Variants in RGS7 observed in about 807,000 individuals in gnomAD.
The protein encoded by RGS7 is regulator of G-protein signaling 7.
A neutral mutation model predicts 81.1 loss-of-function variants in RGS7; 27 were observed. The ratio of observed to expected loss-of-function variants is 0.33; its 90% CI spans 0.25 to 0.46. RGS7 has a LOEUF of 0.46. RGS7 is among the 20% of genes least tolerant of loss of function. The pLI is 1.00. For missense variants in RGS7, 396 were observed against 607.4 expected (o/e 0.65, Z 3.66); for synonymous variants, 208 against 207.7 (o/e 1.00, Z -0.01).
At chr1:240,900,027 C>T (rs1669722505) in intron 6 of RGS7, among the ~76,000 whole-genome samples, 2 of 151,840 alleles carry the variant, frequency 1.3e-5, no homozygotes, top group Admixed American at 6.5e-5. Flanking sequence ...CGCTCCATTT[C>T]ATTCATTTGA....
chr1:241,160,007 T>G (rs1484814576), intron 2 of RGS7, among the ~76,000 whole-genome samples: 2 of 150,322 alleles, frequency 1.3e-5, no homozygotes, highest in Admixed American at 6.7e-5. Context: ...TACCTTTTAT[T>G]ACCTGTCAGA....
intron 4 of RGS7, among the ~76,000 whole-genome samples, chr1:240,939,578 G>C (rs889670430): frequency 6.6e-6 from 1 of 152,144 alleles, no homozygotes; most frequent in Non-Finnish European, 1.5e-5. Context: ...GACGAGTGAA[G>C]AATATGCCAT....
At chr1:241,323,127 C>A (rs2081302465) in intron 2 of RGS7, among the ~76,000 whole-genome samples, 1 of 152,146 alleles carries the variant, frequency 6.6e-6, no homozygotes, top group Non-Finnish European at 1.5e-5. Context: ...GCAAACTCCC[C>A]AAACTGCTTT....
At chr1:241,320,115 T>A (rs1330153655) in intron 2 of RGS7, among the ~76,000 whole-genome samples, 1 of 152,066 alleles carries the variant, frequency 6.6e-6, no homozygotes, top group African/African-American at 2.4e-5. Context: ...AGTTTGAAAA[T>A]GTCCCAAAGA....
At chr1:241,269,859 T>C (rs966039423) in intron 2 of RGS7, among the ~76,000 whole-genome samples, 5 of 152,222 alleles carry the variant, frequency 3.3e-5, no homozygotes, top group Non-Finnish European at 5.9e-5. Context: ...TCCTTCAGCA[T>C]TGTACATAGT....
intron 2 of RGS7, among the ~76,000 whole-genome samples, chr1:241,226,979 A>G (rs1342999112): frequency 1.3e-5 from 2 of 152,180 alleles, no homozygotes; most frequent in African/African-American, 2.4e-5. Flanking sequence ...GGACCTTAAA[A>G]TGTATAAAAA....
At chr1:240,878,393 A>G (rs1213671198) in intron 6 of RGS7, among the ~76,000 whole-genome samples, 4 of 152,198 alleles carry the variant, frequency 2.6e-5, no homozygotes, top group African/African-American at 7.2e-5. Flanking sequence ...TACCTGGCAC[A>G]TAGTAGATGC....
chr1:241,156,381 T>C (rs1202800410), intron 2 of RGS7, among the ~76,000 whole-genome samples: 2 of 151,460 alleles, frequency 1.3e-5, no homozygotes, highest in Admixed American at 1.3e-4. Context: ...TAACGCACAC[T>C]TGTGCTCCCA....
rs1486104904 is a variant in RGS7, at chr1:241,357,174, G to C, written c.-326C>G. On this transcript the variant is annotated 5_prime_UTR_variant, in exon 1 of 19. Coordinates refer to ENST00000440928, the MANE Select transcript of RGS7 (RefSeq NM_001364886.1). ...CTCCCTCCTCCGCTTCTTCTCCCGG[G>C]GACTGGGACCAGCCGAGCGCGCGCG... 6.6e-6 allele frequency: 1 copy of C among 152,024 alleles called. No homozygotes were observed. Among genetic ancestry groups the C allele is most frequent in the East Asian group, 2.0e-4 (1 of 5,126 alleles). The allele number at this position is 152,024 out of a possible 1,614,324, so 9.4% of individuals were successfully genotyped here. A position where few individuals can be genotyped will look rare whatever the true frequency, so the allele number is the denominator to read the frequency against.
Position 241,259,667 on chromosome 1 carries a change from A to AAAAAAAAAAAAAAAAAAAAT in RGS7, c.78+96031_78+96032insATTTTTTTTTTTTTTTTTTT. On this transcript the variant is annotated intron_variant, in intron 2 of 18. Transcript: ENST00000440928. ...CTCCGTCTCAAAAAAAAAAAAAAAA[A>AAAAAAAAAAAAAAAAAAAAT]ATATATATATATATATATAATTAAA... Among the ~76,000 whole-genome samples, 74 of 49,108 alleles carry AAAAAAAAAAAAAAAAAAAAT rather than the reference A, an allele frequency of 1.5e-3. 2 individuals are homozygous for AAAAAAAAAAAAAAAAAAAAT. The highest frequency in any genetic ancestry group is 2.1e-3 in the Non-Finnish European group (57 of 27,540). 32.2% of individuals were successfully genotyped at this position (49,108 alleles called of 152,430 possible).
At chr1:240,835,956 C>T (rs903561583) in intron 9 of RGS7, among the ~76,000 whole-genome samples, 4 of 152,086 alleles carry the variant, frequency 2.6e-5, no homozygotes, top group Non-Finnish European at 5.9e-5. Flanking sequence ...ATAGGCCCAG[C>T]ACGGAGAAAT....
intron 9 of RGS7, among the ~76,000 whole-genome samples, chr1:240,842,439 G>A (rs1461519938): frequency 6.6e-6 from 1 of 151,780 alleles, no homozygotes; most frequent in Non-Finnish European, 1.5e-5. Context: ...TGATCCACCT[G>A]CCTTGGCCTC....
At chr1:240,816,117 T>G (rs1690751978) in intron 11 of RGS7, among the ~76,000 whole-genome samples, 200 bp downstream of exon 11, 1 of 152,244 alleles carries the variant, frequency 6.6e-6, no homozygotes, top group South Asian at 2.1e-4. Flanking sequence ...TGAAAACCAT[T>G]ACCATATATT....
At chr1:241,247,416 CCTG>C (rs2076601127) in intron 2 of RGS7, among the ~76,000 whole-genome samples, 1 of 152,046 alleles carries the variant, frequency 6.6e-6, no homozygotes, top group South Asian at 2.1e-4. Flanking sequence ...ATGAAGGGGG[CCTG>C]CCGCTCCACA....
At chr1:241,282,200 C>A (rs188860085) in intron 2 of RGS7, among the ~76,000 whole-genome samples, 51 of 152,278 alleles carry the variant, frequency 3.3e-4, no homozygotes, top group African/African-American at 1.2e-3. Flanking sequence ...CATCTTTATG[C>A]CCATGCATAC....
At position 241,001,981 on chromosome 1, in the gene RGS7, C is replaced by T. The variant is rs909813236; in HGVS notation, c.176-18852G>A. Among the ~76,000 whole-genome samples, 4 of 151,880 alleles carry T rather than the reference C, an allele frequency of 2.6e-5. No homozygotes were observed. In the South Asian group the frequency reaches 6.2e-4, roughly 24 times the overall value. ...CAGTGCGATAATGATGGCCCCTGTG[C>T]GATAATGATGCATCAGTGGAGGTTC... On this transcript the variant is annotated intron_variant, in intron 3 of 18. Transcript: ENST00000440928.
chr1:241,262,766 C>G (rs2077400337), intron 2 of RGS7, among the ~76,000 whole-genome samples: 1 of 152,104 alleles, frequency 6.6e-6, no homozygotes, highest in Admixed American at 6.6e-5. Context: ...GGTGTTTCTA[C>G]CTGCATTTCA....
At position 241,271,966 on chromosome 1, in the gene RGS7, C is replaced by A. The variant is rs544395184; in HGVS notation, c.78+83733G>T. Among the ~76,000 whole-genome samples the A allele has an allele frequency of 5.5e-5, 8 of 145,576 alleles. No homozygotes were observed. Among genetic ancestry groups the A allele is most frequent in the African/African-American group, 1.8e-4 (7 of 39,386 alleles). On this transcript the variant is annotated intron_variant, in intron 2 of 18. Transcript: ENST00000440928. The surrounding 1 kb of genome is among the most constrained non-coding windows in gnomAD (Gnocchi z 4.6). ...TATTGGTTCTGTTTCTCTGGAGAAC[C>A]CTGACTACTAGAATTTCTTTTTTTT...
At chr1:241,314,991 C>T (rs187370082) in intron 2 of RGS7, among the ~76,000 whole-genome samples, 1 of 151,306 alleles carries the variant, frequency 6.6e-6, no homozygotes, top group Non-Finnish European at 1.5e-5. Flanking sequence ...AAGTTAGAGC[C>T]CGGGGAACTT....
Sources: gnomAD v4.1 joint callset for allele counts (sites outside exome capture counted in the v4.1 genomes callset) on GRCh38, gnomAD v4.1.1 for gene constraint, Gnocchi (gnomAD v3.1) non-coding constraint, MANE v1.5 for transcripts, NCBI Gene and HGNC (gene_info 2026-07-23, HGNC 2026-07-21) for gene names.